DNAH7: variants seen among roughly 807,000 people sequenced by gnomAD.
DNAH7 encodes the protein axonemal beta dynein heavy chain 7.
DNAH7 carries 397 observed loss-of-function variants against 444.6 expected under a neutral mutation model. The observed-to-expected ratio is 0.89, with a 90% CI of 0.82 to 0.97. The LOEUF is 0.97. DNAH7 is among the 50% of genes least tolerant of loss of function. The probability of loss-of-function intolerance (pLI) is 0.00; values close to 1 mark genes in which losing one functional copy is unlikely to be tolerated. For missense variants in DNAH7, 4,902 were observed against 4,800.8 expected (o/e 1.02, Z -0.62); for synonymous variants, 1,636 against 1,624.4 (o/e 1.01, Z -0.17).
intron 54 of DNAH7, among the ~76,000 whole-genome samples, chr2:195,806,444 A>G (rs568863643): frequency 9.2e-5 from 14 of 152,348 alleles, no homozygotes; most frequent in Middle Eastern, 6.8e-3. Flanking sequence ...CAGTAAAGAT[A>G]AGACTACAAA....
chr2:195,847,689 T>C (rs1287495310), intron 46 of DNAH7, among the ~76,000 whole-genome samples: 1 of 152,122 alleles, frequency 6.6e-6, no homozygotes, highest in Non-Finnish European at 1.5e-5. Context: ...TACAAAGTAG[T>C]TGGGACCACC....
At chr2:195,778,266 G>A (rs1465866925) in intron 58 of DNAH7, among the ~76,000 whole-genome samples, 1 of 151,886 alleles carries the variant, frequency 6.6e-6, no homozygotes, top group African/African-American at 2.4e-5. Context: ...CCTACTATGT[G>A]CCAGATACGA....
chr2:195,918,188 C>T (rs948177403), intron 24 of DNAH7, among the ~76,000 whole-genome samples: 3 of 152,178 alleles, frequency 2.0e-5, no homozygotes, highest in African/African-American at 7.2e-5. Flanking sequence ...TAAAAAGATG[C>T]TCAGCATCAT....
intron 12 of DNAH7, among the ~76,000 whole-genome samples, chr2:196,000,287 G>A (rs1693954065): frequency 6.6e-6 from 1 of 152,114 alleles, no homozygotes; most frequent in Non-Finnish European, 1.5e-5. Flanking sequence ...TTAGATCTAT[G>A]AGTTGAAAGT....
At chr2:195,907,083 T>C in intron 25 of DNAH7, 74 bp from the exon 26 acceptor site, 1 of 1,167,356 alleles carries the variant, frequency 8.6e-7, no homozygotes, top group East Asian at 2.5e-5. Context: ...TATTTTCACC[T>C]GATCTTTTCA....
At position 196,068,745 on chromosome 2, in the gene DNAH7, C is replaced by T; in HGVS notation, c.-34G>A. On this transcript the variant is annotated 5_prime_UTR_variant, in exon 1 of 65. Coordinates refer to ENST00000312428, the MANE Select transcript of DNAH7 (RefSeq NM_018897.3). ...GGACGCGCTGGCCTCACCGGTGCTT[C>T]TGGGTTGCTCCTGCCCGCGGAACCC... 6.5e-7 allele frequency: 1 copy of T among 1,549,922 alleles called. No homozygotes were observed. Among genetic ancestry groups the T allele is most frequent in the South Asian group, 1.2e-5 (1 of 83,876 alleles).
At chr2:195,799,236 T>C in intron 55 of DNAH7, 60 bp downstream of exon 55, 4 of 1,340,008 alleles carry the variant, frequency 3.0e-6, no homozygotes, top group Non-Finnish European at 3.9e-6. Flanking sequence ...AAAATTTCAA[T>C]TATAAGCAAG....
Position 195,895,218 on chromosome 2 carries a change from T to C in DNAH7, c.4654A>G (p.Thr1552Ala). ...SHDLPLFEGI[T>A]SDLFPGVKLP... is the part of the protein sequence containing the mutation. Reference sequence around the variant, plus strand: ...TTTACCCCAGGAAACAAATCCGAAGTAATTCCCTGATGATAGATGATTTGA... The same window carrying C: ...TTTACCCCAGGAAACAAATCCGAAGCAATTCCCTGATGATAGATGATTTGA... Residue 1552 changes from threonine (T) to alanine (A), a missense_variant, in exon 30 of 65, where the codon ACT (threonine) becomes GCT (alanine). Coordinates refer to ENST00000312428, the MANE Select transcript of DNAH7 (RefSeq NM_018897.3). 1 of 1,602,400 alleles carries C rather than the reference T, an allele frequency of 6.2e-7. No individual in the cohort carries two copies. The highest frequency in any genetic ancestry group is 1.1e-5 in the South Asian group (1 of 89,684).
chr2:195,795,387 CACA>C (rs764311464), intron 56 of DNAH7, among the ~76,000 whole-genome samples: 10 of 152,070 alleles, frequency 6.6e-5, no homozygotes, highest in Admixed American at 2.0e-4. Flanking sequence ...ATCTCAAAAC[CACA>C]ACAACAACAA....
chr2:195,885,988 T>A (rs919740544), intron 34 of DNAH7, among the ~76,000 whole-genome samples, 153 bp downstream of exon 34: 4 of 152,164 alleles, frequency 2.6e-5, no homozygotes, highest in African/African-American at 9.7e-5. Context: ...CACTCAGAAT[T>A]TGGGGCCTGG....
chr2:195,999,376 T>C (rs1385571078), intron 12 of DNAH7: 3 of 614,186 alleles, frequency 4.9e-6, no homozygotes, highest in Non-Finnish European at 8.7e-6. Flanking sequence ...CAGCTAAAAA[T>C]GGTCCTTGGT....
chr2:195,815,827 C>G (rs1384075277), intron 51 of DNAH7, among the ~76,000 whole-genome samples: 2 of 151,438 alleles, frequency 1.3e-5, no homozygotes, highest in African/African-American at 4.9e-5. Context: ...ATGGTGAAAC[C>G]CTGTCTCTAC....
In DNAH7 at chr2:195,987,211, T is replaced by C. The variant is rs1404197313; in HGVS notation, c.1627-18A>G. 6.6e-7 allele frequency: 1 copy of C among 1,525,124 alleles called. No individual in the cohort carries two copies. Among genetic ancestry groups the C allele is most frequent in the Admixed American group, 2.3e-5 (1 of 44,208 alleles). The allele number at this position is 1,525,124 out of a possible 1,614,324, so 94.5% of individuals were successfully genotyped here. The stretch of plus-strand genomic sequence containing the variant: ...CGAATAGTCTGCAAAAGATTAAAAG[T>C]TTAATCAACATAAGAAGAAATAAAA... On this transcript the variant is annotated intron_variant, in intron 13 of 64. Transcript: ENST00000312428.
chr2:195,935,715 G>T (rs1220822989), intron 20 of DNAH7, among the ~76,000 whole-genome samples: 3 of 152,164 alleles, frequency 2.0e-5, no homozygotes, highest in African/African-American at 7.2e-5. Context: ...GTTGAGCATG[G>T]AGGGAGCTGC....
In DNAH7 at chr2:195,777,907, G is replaced by A. The variant is rs185923736; in HGVS notation, c.10957C>T (p.Arg3653Cys). 3.5e-5 allele frequency: 56 copies of A among 1,614,132 alleles called. 1 individual carries two copies. The Middle Eastern group carries it at 4.9e-4, about 14-fold the overall frequency. Reference protein sequence around the residue: ...GGRVTDDWDRRTLRSILNKFF... With the variant: ...GGRVTDDWDRCTLRSILNKFF... ...TTGTTTAGAATGCTGCGCAGCGTGC[G>A]CCGGTCCCAGTCATCGGTCACTCTG... The change falls in exon 59 of 65, where the codon CGC becomes TGC. Residue 3653 changes from arginine (R) to cysteine (C), a missense_variant. Arg to Cys is a radical substitution (Grantham distance 180). Coordinates refer to ENST00000312428, the MANE Select transcript of DNAH7 (RefSeq NM_018897.3).
In DNAH7 at chr2:195,928,797, G is replaced by A. The variant is rs188360057; in HGVS notation, c.3472-2231C>T. ...GGTAACATTGAACATCTAGATTCCA[G>A]TGAATTTTTCCAACACATTTGTGGG... is the stretch of plus-strand genomic sequence containing the variant. On this transcript the variant is annotated intron_variant, in intron 21 of 64. Transcript: ENST00000312428. Among the ~76,000 whole-genome samples, 154 of 152,028 alleles carry A rather than the reference G, an allele frequency of 1.0e-3. 1 individual carries two copies. Among genetic ancestry groups the A allele is most frequent in the Non-Finnish European group, 1.3e-3 (87 of 67,968 alleles).
At chr2:195,756,430 G>A (rs1039647218) in intron 61 of DNAH7, 145 bp from the exon 62 acceptor site, 5 of 662,048 alleles carry the variant, frequency 7.6e-6, no homozygotes, top group Non-Finnish European at 1.1e-5. Flanking sequence ...AAAAAAAAGT[G>A]AAGATATTTG....
At chr2:195,869,847 G>A (rs1559166003) in intron 40 of DNAH7, among the ~76,000 whole-genome samples, 1 of 152,168 alleles carries the variant, frequency 6.6e-6, no homozygotes, top group Non-Finnish European at 1.5e-5. Context: ...AAGGTTTTGA[G>A]CTGAGGACTA....
chr2:195,986,529 T>C (rs540553470), intron 14 of DNAH7, among the ~76,000 whole-genome samples: 1 of 152,334 alleles, frequency 6.6e-6, no homozygotes, highest in African/African-American at 2.4e-5. Context: ...TAGTTCTTCT[T>C]GTCTTAAAGA....
Sources: gnomAD v4.1 joint callset for allele counts (sites outside exome capture counted in the v4.1 genomes callset) on GRCh38, gnomAD v4.1.1 for gene constraint, MANE v1.5 for transcripts, NCBI Gene and HGNC (gene_info 2026-07-23, HGNC 2026-07-21) for gene names.